Variants in CUX1 observed in about 807,000 individuals in gnomAD.
CUX1 encodes the protein protein CASP.
Under a neutral mutation model 158.8 loss-of-function variants are expected in CUX1, and 31 were observed. That is an observed-to-expected ratio of 0.20 (90% CI 0.15 to 0.26). The LOEUF is 0.26. Among genes scored for constraint, CUX1 ranks in the 10% least tolerant of loss-of-function variants. CUX1 has a pLI of 1.00. For missense variants in CUX1, 1,589 were observed against 2,014.6 expected, an observed-to-expected ratio of 0.79 and a Z score of 4.04; for synonymous variants, 879 against 862.1, an observed-to-expected ratio of 1.02 and a Z score of -0.34.
chr7:102,052,793 C>T (rs1336788655), intron 3 of CUX1, among the ~76,000 whole-genome samples: 2 of 152,128 alleles, frequency 1.3e-5, no homozygotes, highest in Admixed American at 1.3e-4. Flanking sequence ...TTCTCGACAT[C>T]CTTTCTAACA....
At chr7:101,975,256 GAAAA>G (rs1201134721) in intron 2 of CUX1, among the ~76,000 whole-genome samples, 1 of 143,226 alleles carries the variant, frequency 7.0e-6, no homozygotes, top group Non-Finnish European at 1.5e-5. Context: ...GTCTCAAAAG[GAAAA>G]AAAAAGAGAG....
intron 4 of CUX1, among the ~76,000 whole-genome samples, chr7:102,097,085 G>C (rs1829276155): frequency 1.3e-5 from 2 of 152,240 alleles, no homozygotes; most frequent in South Asian, 4.1e-4. Flanking sequence ...AATCATGAAA[G>C]TGTCACACCA....
At chr7:102,207,447 G>GA (rs1285602312) in intron 20 of CUX1, among the ~76,000 whole-genome samples, 1 of 151,996 alleles carries the variant, frequency 6.6e-6, no homozygotes, top group African/African-American at 2.4e-5. Flanking sequence ...TTATTTGCAG[G>GA]AAAAAATATT....
Position 102,249,269 on chromosome 7 carries a change from G to T in CUX1, c.*227G>T. The stretch of plus-strand genomic sequence containing the variant: ...CCAGACCCACTCTGCGGCCCGGGCC[G>T]ACCCTGCGGCCTCCACCAACCCCGC... On this transcript the variant is annotated 3_prime_UTR_variant, in exon 24 of 24. Transcript: ENST00000292535. 9.5e-7 allele frequency: 1 copy of T among 1,057,964 alleles called. No homozygotes were observed. The highest frequency in any genetic ancestry group is 1.1e-6 in the Non-Finnish European group (1 of 875,978). 65.5% of individuals were successfully genotyped at this position (1,057,964 alleles called of 1,614,324 possible).
intron 8 of CUX1, among the ~76,000 whole-genome samples, chr7:102,117,157 G>A (rs868918170): frequency 4.5e-4 from 68 of 152,048 alleles, no homozygotes; most frequent in Middle Eastern, 3.2e-3. Flanking sequence ...CAGCACTTTG[G>A]GAGGCCGAGG....
intron 4 of CUX1, among the ~76,000 whole-genome samples, chr7:102,073,175 T>C (rs1387192395): frequency 1.6e-5 from 2 of 123,232 alleles, no homozygotes; most frequent in African/African-American, 3.2e-5. Context: ...CTTTTTTTTT[T>C]TTTTTTTTTT....
At chr7:102,017,758 A>G (rs1007182682) in intron 2 of CUX1, among the ~76,000 whole-genome samples, 1 of 152,056 alleles carries the variant, frequency 6.6e-6, no homozygotes, top group African/African-American at 2.4e-5. Flanking sequence ...GAGGCATGAG[A>G]ATCGCTTGAG....
chr7:102,044,022 T>G (rs764556687), intron 3 of CUX1, among the ~76,000 whole-genome samples: 33 of 152,238 alleles, frequency 2.2e-4, no homozygotes, highest in Non-Finnish European at 4.6e-4. Flanking sequence ...CTCACTCTGT[T>G]GTGCAGACTG....
chr7:101,905,114 G>GA (rs1162148335), intron 1 of CUX1, among the ~76,000 whole-genome samples: 3 of 152,122 alleles, frequency 2.0e-5, no homozygotes, highest in Non-Finnish European at 4.4e-5. Context: ...CTGTGTCTCT[G>GA]GGTGGGGGGC....
intron 1 of CUX1, among the ~76,000 whole-genome samples, chr7:101,825,345 A>T (rs911398013): frequency 6.6e-6 from 1 of 152,218 alleles, no homozygotes; most frequent in African/African-American, 2.4e-5. Context: ...TTGCTTACAC[A>T]GTAACGCATG....
At chr7:101,958,741 A>G (rs1231867700) in intron 2 of CUX1, among the ~76,000 whole-genome samples, 1 of 151,320 alleles carries the variant, frequency 6.6e-6, no homozygotes, top group Non-Finnish European at 1.5e-5. Flanking sequence ...CAGCCTCCCA[A>G]AGTGCTGGGA....
At chr7:102,076,073 A>G (rs782485241) in intron 4 of CUX1, among the ~76,000 whole-genome samples, 7 of 149,716 alleles carry the variant, frequency 4.7e-5, no homozygotes, top group Non-Finnish European at 8.9e-5. Flanking sequence ...TCCACCTTCT[A>G]TAATTTCCTT....
intron 3 of CUX1, among the ~76,000 whole-genome samples, chr7:102,035,652 C>CAAAAAA (rs10699446): frequency 2.2e-5 from 2 of 90,600 alleles, no homozygotes; most frequent in African/African-American, 4.6e-5. Context: ...GATAGCCAGC[C>CAAAAAA]AAAAAAAAAA....
In CUX1 at chr7:101,985,432, A is replaced by G. The variant is rs569141447; in HGVS notation, c.142-42666A>G. On this transcript the variant is annotated intron_variant, in intron 2 of 23. Transcript: ENST00000292535. ...CAAGAGGAGCGTTCTGTCCACGATC[A>G]TGGTGGCAGCTGCAAGGTAGTGCCT... Among the ~76,000 whole-genome samples, 5 of 152,316 alleles carry G rather than the reference A, an allele frequency of 3.3e-5. No individual in the cohort carries two copies. The East Asian group carries it at 9.7e-4, about 29-fold the overall frequency.
chr7:102,047,940 G>A (rs1823016364), intron 3 of CUX1, among the ~76,000 whole-genome samples: 1 of 152,200 alleles, frequency 6.6e-6, no homozygotes, highest in Non-Finnish European at 1.5e-5. Flanking sequence ...TTTGATAACA[G>A]CTGAGAGCCC....
chr7:102,235,943 T>C (rs1799519726), intron 22 of CUX1, among the ~76,000 whole-genome samples: 1 of 152,016 alleles, frequency 6.6e-6, no homozygotes, highest in Non-Finnish European at 1.5e-5. Flanking sequence ...TGGTGCCTCC[T>C]CCAGGAACCC....
chr7:101,980,892 G>T (rs1585162692), intron 2 of CUX1, among the ~76,000 whole-genome samples: 4 of 152,244 alleles, frequency 2.6e-5, no homozygotes, highest in South Asian at 2.1e-4. Flanking sequence ...TCTGAATCTG[G>T]CCTTTGAGTT....
chr7:102,061,523 T>C (rs182574474), intron 3 of CUX1, among the ~76,000 whole-genome samples: 12 of 152,228 alleles, frequency 7.9e-5, no homozygotes, highest in Admixed American at 5.2e-4. Flanking sequence ...CCAAGATGTA[T>C]CTCCCCACTT....
intron 6 of CUX1, among the ~76,000 whole-genome samples, chr7:102,106,764 A>G (rs1393922953): frequency 2.0e-5 from 3 of 152,156 alleles, no homozygotes; most frequent in Non-Finnish European, 2.9e-5. Flanking sequence ...ACAGAGCTGT[A>G]ACGCTGCCAC....
Sources: allele counts gnomAD v4.1 joint callset (sites outside exome capture counted in the v4.1 genomes callset), GRCh38; gene constraint gnomAD v4.1.1; transcripts MANE v1.5; gene names NCBI Gene and HGNC (gene_info 2026-07-23, HGNC 2026-07-21).